TTC21B: variants seen among roughly 807,000 people sequenced by gnomAD.
TTC21B encodes tetratricopeptide repeat domain 21B, also known as tetratricopeptide repeat protein 21B.
Under a neutral mutation model 175.1 loss-of-function variants are expected in TTC21B, and 127 were observed. That is an observed-to-expected ratio of 0.73 (90% CI 0.63 to 0.84). The LOEUF is 0.84. Ranked by LOEUF, TTC21B falls within the 40% of genes least tolerant of loss-of-function variation. The probability of loss-of-function intolerance (pLI) is 0.00; values close to 1 mark genes in which losing one functional copy is unlikely to be tolerated. For synonymous variants in TTC21B, 524 were observed against 524.5 expected (o/e 1.00, Z 0.01); for missense variants, 1,561 against 1,558.3 (o/e 1.00, Z -0.03).
chr2:165,938,429 G>A (rs570343808), intron 6 of TTC21B, among the ~76,000 whole-genome samples: 8 of 151,996 alleles, frequency 5.3e-5, no homozygotes, highest in Non-Finnish European at 1.2e-4. Context: ...CTGATATCAC[G>A]AAAAGAGAGA....
At chr2:165,947,193 T>TATATATATATATATA (rs61351063) in intron 3 of TTC21B, 33 of 134,668 alleles carry the variant, frequency 2.5e-4, no homozygotes, top group East Asian at 7.2e-4. Flanking sequence ...TATATATATA[T>TATATATATATATATA]TAGTATCTGC....
chr2:165,875,170 A>G (rs1442082000), intron 28 of TTC21B, among the ~76,000 whole-genome samples: 2 of 152,224 alleles, frequency 1.3e-5, no homozygotes, highest in Non-Finnish European at 2.9e-5. Flanking sequence ...ATAAACCCTT[A>G]GAGAGTGACT....
At chr2:165,884,501 T>C (rs1000626834) in intron 25 of TTC21B, among the ~76,000 whole-genome samples, 1 of 152,164 alleles carries the variant, frequency 6.6e-6, no homozygotes, top group Non-Finnish European at 1.5e-5. Context: ...TTGCTTTTTT[T>C]CCCCCTCCCT....
intron 17 of TTC21B, among the ~76,000 whole-genome samples, 174 bp downstream of exon 17, chr2:165,912,340 A>G (rs1443544658): frequency 1.3e-5 from 2 of 152,226 alleles, no homozygotes; most frequent in East Asian, 1.9e-4. Context: ...CACGAAATGA[A>G]GCAATGAAGA....
intron 21 of TTC21B, among the ~76,000 whole-genome samples, chr2:165,899,398 CCT>C (rs1685478731): frequency 1.3e-5 from 2 of 151,846 alleles, no homozygotes; most frequent in Admixed American, 1.3e-4. Flanking sequence ...TTTTTTTTCC[CCT>C]GTAACTCCAA....
intron 25 of TTC21B, among the ~76,000 whole-genome samples, chr2:165,888,001 T>G (rs1032350882): frequency 3.9e-5 from 6 of 152,174 alleles, no homozygotes; most frequent in African/African-American, 1.4e-4. Context: ...GGGGATAAAG[T>G]GGCTCCCTTG....
At chr2:165,902,546 G>C (rs1250639069) in intron 19 of TTC21B, among the ~76,000 whole-genome samples, 1 of 151,908 alleles carries the variant, frequency 6.6e-6, no homozygotes, top group Non-Finnish European at 1.5e-5. Flanking sequence ...CAGAGGTTTA[G>C]ACAGTCATAA....
At chr2:165,922,672 T>C (rs1264864916) in intron 12 of TTC21B, among the ~76,000 whole-genome samples, 1 of 151,218 alleles carries the variant, frequency 6.6e-6, no homozygotes, top group Admixed American at 6.6e-5. Context: ...GAAAATAGTA[T>C]GAAGATTTCT....
At position 165,949,391 on chromosome 2, in the gene TTC21B, T is replaced by C. The variant is rs1289028512; in HGVS notation, c.262+3A>G. ...TCCTAAGCATTGCATTTAAATATCA[T>C]ACCTGGATTAGGACTCATTTTATGG... On this transcript the variant is annotated splice_donor_region_variant and intron_variant, in intron 3 of 28. Coordinates refer to ENST00000243344, the MANE Select transcript of TTC21B (RefSeq NM_024753.5). The C allele has an allele frequency of 2.5e-6, 4 of 1,598,994 alleles. No individual in the cohort carries two copies.
chr2:165,888,608 T>C (rs994604948), intron 24 of TTC21B, 134 bp from the exon 25 acceptor site: 8 of 702,548 alleles, frequency 1.1e-5, no homozygotes, highest in Non-Finnish European at 1.9e-5. Flanking sequence ...AAAAGTAATC[T>C]TTTGTAAAGA....
intron 22 of TTC21B, among the ~76,000 whole-genome samples, chr2:165,895,735 CAG>C (rs1685341022): frequency 6.6e-6 from 1 of 151,998 alleles, no homozygotes; most frequent in Non-Finnish European, 1.5e-5. Flanking sequence ...ATTTTGGACC[CAG>C]AGTGAGTGGA....
At chr2:165,911,599 C>T in intron 17 of TTC21B, 134 bp from the exon 18 acceptor site, 1 of 921,124 alleles carries the variant, frequency 1.1e-6, no homozygotes, top group South Asian at 1.4e-5. Context: ...CATACACCTG[C>T]CTGTCAATTA....
At chr2:165,882,459 A>G (rs1474715882) in intron 26 of TTC21B, among the ~76,000 whole-genome samples, 1 of 152,250 alleles carries the variant, frequency 6.6e-6, no homozygotes, top group Non-Finnish European at 1.5e-5. Flanking sequence ...TATTGCAGTT[A>G]TCATTCTTAT....
intron 12 of TTC21B, among the ~76,000 whole-genome samples, chr2:165,923,677 C>T (rs1043116737): frequency 2.7e-5 from 4 of 150,190 alleles, no homozygotes; most frequent in African/African-American, 2.4e-5. Flanking sequence ...CTCCTGACCT[C>T]GTGATCCACC....
chr2:165,926,520 C>T (rs1053600003), intron 11 of TTC21B, among the ~76,000 whole-genome samples: 3 of 152,182 alleles, frequency 2.0e-5, no homozygotes, highest in Non-Finnish European at 4.4e-5. Context: ...CTTTGGGCTT[C>T]TGCACCAGCT....
At chr2:165,925,231 C>G (rs1686584514) in intron 11 of TTC21B, among the ~76,000 whole-genome samples, 1 of 152,120 alleles carries the variant, frequency 6.6e-6, no homozygotes, top group Non-Finnish European at 1.5e-5. Context: ...CACTCTTCAT[C>G]CCGGCATGTT....
At chr2:165,919,002 T>C (rs1047772002) in intron 13 of TTC21B, among the ~76,000 whole-genome samples, 5 of 152,176 alleles carry the variant, frequency 3.3e-5, no homozygotes, top group Middle Eastern at 3.2e-3. Flanking sequence ...AGCAGAGTAT[T>C]AGTAAATGAG....
chr2:165,903,694 T>A (rs544950713), intron 19 of TTC21B, among the ~76,000 whole-genome samples: 2 of 152,346 alleles, frequency 1.3e-5, no homozygotes, highest in East Asian at 3.9e-4. Flanking sequence ...TTCCTAAGAC[T>A]TGAGATTTCC....
rs1378476080 is a variant in TTC21B at position 165,917,454 on chromosome 2, T to C, written c.1702A>G (p.Ile568Val). Reference sequence around the variant, plus strand: ...ATTTTCTTTTGTGACTGAGCTTTTATCAAATGGTATAAAGGATAGTCTCTC... The same window carrying C: ...ATTTTCTTTTGTGACTGAGCTTTTACCAAATGGTATAAAGGATAGTCTCTC... ...KVRDYPLYHL[I>V]KAQSQKKMGE... Residue 568 changes from isoleucine to valine, a missense_variant, in exon 14 of 29, where the codon ATA (isoleucine) becomes GTA (valine). Ile to Val is a conservative substitution (Grantham distance 29). Transcript: ENST00000243344. 1 of 1,613,520 alleles carries C rather than the reference T, an allele frequency of 6.2e-7. No individual in the cohort carries two copies. Among genetic ancestry groups the C allele is most frequent in the African/African-American group, 1.3e-5 (1 of 74,932 alleles).
Sources: allele counts gnomAD v4.1 joint callset (sites outside exome capture counted in the v4.1 genomes callset), GRCh38; gene constraint gnomAD v4.1.1; transcripts MANE v1.5; gene names NCBI Gene and HGNC (gene_info 2026-07-23, HGNC 2026-07-21).